The following PCDHGA3 variants were observed in gnomAD, a reference collection of about 807,000 sequenced individuals.
PCDHGA3 encodes the protein protocadherin gamma-A3.
A neutral mutation model predicts 58.5 loss-of-function variants in PCDHGA3; 40 were observed. The ratio of observed to expected loss-of-function variants is 0.68; its 90% CI spans 0.53 to 0.89. The LOEUF (loss-of-function observed/expected upper bound fraction) is 0.89. PCDHGA3 is among the 40% of genes least tolerant of loss of function. The probability of loss-of-function intolerance (pLI) is 0.00; values close to 1 mark genes in which losing one functional copy is unlikely to be tolerated. For synonymous variants in PCDHGA3, 530 were observed against 525.7 expected (o/e 1.01, Z -0.11); for missense variants, 1,223 against 1,195.9 (o/e 1.02, Z -0.33).
At chr5:141,507,786 GTCTAAGCC>G (rs1279265471) in intron 3 of PCDHGA3, among the ~76,000 whole-genome samples, 1 of 152,174 alleles carries the variant, frequency 6.6e-6, no homozygotes, top group Admixed American at 6.5e-5. Flanking sequence ...CCTGACCCTC[GTCTAAGCC>G]TGCGCCCTGG....
chr5:141,388,936 C>A, intron 1 of PCDHGA3: 4 of 1,613,926 alleles, frequency 2.5e-6, no homozygotes, highest in Non-Finnish European at 3.4e-6. Context: ...CAGTCTCTAC[C>A]CAACCTAATT....
intron 1 of PCDHGA3, chr5:141,350,847 C>A: frequency 6.2e-7 from 1 of 1,614,046 alleles, no homozygotes; most frequent in Non-Finnish European, 8.5e-7. Context: ...CTGGAAAAAC[C>A]TCTAGACAGG....
At chr5:141,471,185 A>G (rs58340688) in intron 1 of PCDHGA3, 16,257 of 151,174 alleles carry the variant, frequency 0.11, 890 homozygotes, top group South Asian at 0.15. Context: ...TAGTAGCTGG[A>G]ATTACAGGCA....
In PCDHGA3 at chr5:141,361,967, C is replaced by T; in HGVS notation, c.2424+15510C>T. The T allele has an allele frequency of 6.2e-7, 1 of 1,601,694 alleles. No homozygotes were observed. Among genetic ancestry groups the T allele is most frequent in the Admixed American group, 1.7e-5 (1 of 59,418 alleles). On this transcript the variant is annotated intron_variant, in intron 1 of 3. Transcript: ENST00000253812. ...TGGCTGTCCTACCACGTGCTGCAGG[C>T]CAGCGAGCCCGGGCTCTTCAGCCTG...
At chr5:141,386,427 C>T (rs2090573409) in intron 1 of PCDHGA3, among the ~76,000 whole-genome samples, 1 of 152,052 alleles carries the variant, frequency 6.6e-6, no homozygotes. Context: ...CTGTAGCCCA[C>T]CTGCATGGGA....
At chr5:141,463,553 A>G (rs1163004575) in intron 1 of PCDHGA3, among the ~76,000 whole-genome samples, 3 of 140,962 alleles carry the variant, frequency 2.1e-5, no homozygotes, top group Non-Finnish European at 4.5e-5. Context: ...GGTTCATGCC[A>G]TTCTCCTGCC....
intron 1 of PCDHGA3, chr5:141,427,571 G>A: frequency 1.5e-6 from 1 of 662,942 alleles, no homozygotes. Flanking sequence ...GCAAGCCTCC[G>A]CTCTCATCCA....
Position 141,491,103 on chromosome 5 carries a change from G to T in PCDHGA3, c.2425-3704G>T, listed in dbSNP as rs1190609518. The T allele has an allele frequency of 6.2e-7, 1 of 1,614,162 alleles. No individual in the cohort carries two copies. ...CCACAGCCCCAGGACTGTTCCTCGT[G>T]TCTACACACACTGGTGAGGTGCGCA... On this transcript the variant is annotated intron_variant, in intron 1 of 3. Coordinates refer to ENST00000253812, the MANE Select transcript of PCDHGA3 (RefSeq NM_018916.4). The surrounding 1 kb of genome is among the most constrained non-coding windows in gnomAD (Gnocchi z 6.9).
intron 1 of PCDHGA3, among the ~76,000 whole-genome samples, chr5:141,448,869 T>C (rs1375609555): frequency 6.6e-6 from 1 of 151,930 alleles, no homozygotes; most frequent in Non-Finnish European, 1.5e-5. Flanking sequence ...GGCGTGAACC[T>C]GGGAGGCGGA....
intron 1 of PCDHGA3, chr5:141,389,455 G>A (rs1345301697): frequency 6.2e-7 from 1 of 1,613,044 alleles, no homozygotes; most frequent in Admixed American, 1.7e-5. Context: ...GAGCAGCTGC[G>A]CGCCTTCGAA....
rs1165828230 is a variant in PCDHGA3, at chr5:141,511,464, C to T, written c.*291C>T. On this transcript the variant is annotated 3_prime_UTR_variant, in exon 4 of 4. Coordinates refer to ENST00000253812, the MANE Select transcript of PCDHGA3 (RefSeq NM_018916.4). ...ACACCAAGAACCATTTGCCACACCCCGTTTAGTTACAGCTGAACTCCTCCA... is the reference window on the plus strand; with the variant it reads ...ACACCAAGAACCATTTGCCACACCCTGTTTAGTTACAGCTGAACTCCTCCA... 9 of 538,254 alleles carry T rather than the reference C, an allele frequency of 1.7e-5. No individual in the cohort carries two copies. The highest frequency in any genetic ancestry group is 7.8e-5 in the East Asian group (2 of 25,720). 33.3% of individuals were successfully genotyped at this position (538,254 alleles called of 1,614,324 possible).
At chr5:141,370,903 A>C (rs1767302300) in intron 1 of PCDHGA3, 20 of 1,614,048 alleles carry the variant, frequency 1.2e-5, no homozygotes, top group Non-Finnish European at 1.5e-5. Context: ...CTGCAGCAGT[A>C]CTACCTCAGC....
Position 141,383,135 on chromosome 5 carries a change from A to T in PCDHGA3, c.2424+36678A>T. On this transcript the variant is annotated intron_variant, in intron 1 of 3. Coordinates refer to ENST00000253812, the MANE Select transcript of PCDHGA3 (RefSeq NM_018916.4). ...AGGACGCAGCTTTTCGCCCTGAACC[A>T]GCGCAGCGGCAGCTTGGTCACTGCG... The T allele has an allele frequency of 1.2e-5, 20 of 1,614,114 alleles. No homozygotes were observed. Among genetic ancestry groups the T allele is most frequent in the Non-Finnish European group, 1.7e-5 (20 of 1,179,996 alleles).
chr5:141,419,737 G>C lies in PCDHGA3; in HGVS notation c.2424+73280G>C, dbSNP rs201663350. The C allele has an allele frequency of 1.9e-6, 3 of 1,613,718 alleles. No homozygotes were observed. In the African/African-American group the frequency reaches 4.0e-5, roughly 22 times the overall value. Reference sequence around the variant, plus strand: ...GCCTGGGGCTGCGAACAGGCGAGGTGCGCATGGTGCGTGCTTTGGGTGACA... The same window carrying C: ...GCCTGGGGCTGCGAACAGGCGAGGTCCGCATGGTGCGTGCTTTGGGTGACA... On this transcript the variant is annotated intron_variant, in intron 1 of 3. Transcript: ENST00000253812.
At chr5:141,464,282 A>AG (rs1318553407) in intron 1 of PCDHGA3, among the ~76,000 whole-genome samples, 1 of 151,396 alleles carries the variant, frequency 6.6e-6, no homozygotes, top group Non-Finnish European at 1.5e-5. Flanking sequence ...AAAAAAGCAA[A>AG]AAAAAAAACT....
Position 141,511,252 on chromosome 5 carries a change from G to C in PCDHGA3, c.*79G>C. 6.4e-7 allele frequency: 1 copy of C among 1,568,260 alleles called. No homozygotes were observed. The highest frequency in any genetic ancestry group is 8.6e-7 in the Non-Finnish European group (1 of 1,157,002). On this transcript the variant is annotated 3_prime_UTR_variant, in exon 4 of 4. Coordinates refer to ENST00000253812, the MANE Select transcript of PCDHGA3 (RefSeq NM_018916.4). ...TCTCCTTACCTGCACCCAGGCCTCA[G>C]AGTTTCAGGGCTAACCCCCAGAATA... is the stretch of plus-strand genomic sequence containing the variant.
intron 1 of PCDHGA3, chr5:141,423,074 G>T (rs2096705802): frequency 6.2e-7 from 1 of 1,614,006 alleles, no homozygotes; most frequent in African/African-American, 1.3e-5. Flanking sequence ...AGCGAGCCGG[G>T]ACTCTTCGCG....
chr5:141,479,679 T>A (rs1211872684), intron 1 of PCDHGA3: 1 of 152,258 alleles, frequency 6.6e-6, no homozygotes, highest in East Asian at 1.9e-4. Flanking sequence ...AAGGAGAGTC[T>A]TTTTGGTGCC....
At chr5:141,393,589 C>T (rs1050679940) in intron 1 of PCDHGA3, 2 of 1,613,920 alleles carry the variant, frequency 1.2e-6, no homozygotes, top group Non-Finnish European at 1.7e-6. Flanking sequence ...CCCCCAGGCA[C>T]GCGGCTGCTT....
Sources: gnomAD v4.1 joint callset for allele counts (sites outside exome capture counted in the v4.1 genomes callset) on GRCh38, gnomAD v4.1.1 for gene constraint, Gnocchi (gnomAD v3.1) non-coding constraint, MANE v1.5 for transcripts, NCBI Gene and HGNC (gene_info 2026-07-23, HGNC 2026-07-21) for gene names.